GSE1: variants seen among roughly 807,000 people sequenced by gnomAD.
The protein encoded by GSE1 is genetic suppressor element 1.
GSE1 carries 32 observed loss-of-function variants against 112.6 expected under a neutral mutation model. That is an observed-to-expected ratio of 0.28 (90% confidence interval 0.21 to 0.38). GSE1 has a LOEUF of 0.38. Among genes scored for constraint, GSE1 ranks in the 10% least tolerant of loss-of-function variants. The pLI, the probability that GSE1 is intolerant of heterozygous loss-of-function variation, is 1.00. For synonymous variants in GSE1, 1,115 were observed against 735.6 expected, an observed-to-expected ratio of 1.52 and a Z score of -8.35; for missense variants, 2,348 against 1,699.2, an observed-to-expected ratio of 1.38 and a Z score of -6.71.
chr16:85,233,646 T>TG (rs147897895), intron 1 of GSE1, among the ~76,000 whole-genome samples: 2 of 152,008 alleles, frequency 1.3e-5, no homozygotes, highest in Non-Finnish European at 2.9e-5. Context: ...TGTGTGTGGA[T>TG]GGGGGGTGTG....
chr16:85,309,489 G>C (rs1567678998), intron 1 of GSE1, among the ~76,000 whole-genome samples: 1 of 138,404 alleles, frequency 7.2e-6, no homozygotes, highest in Admixed American at 8.1e-5. Flanking sequence ...GCCAGACCCT[G>C]TCTCTAAAAC....
At chr16:85,653,658 G>A (rs975613489) in intron 3 of GSE1, among the ~76,000 whole-genome samples, 69 of 152,142 alleles carry the variant, frequency 4.5e-4, no homozygotes, top group African/African-American at 1.6e-3. Flanking sequence ...GCCAGTCAGG[G>A]CCCAGCTGCT....
intron 2 of GSE1, among the ~76,000 whole-genome samples, chr16:85,376,647 C>A (rs2047427068): frequency 6.6e-6 from 1 of 152,214 alleles, no homozygotes; most frequent in African/African-American, 2.4e-5. Context: ...TGGCTGGGAG[C>A]TGGAGGCCAG....
intron 2 of GSE1, among the ~76,000 whole-genome samples, chr16:85,390,495 G>A (rs1435904285): frequency 1.3e-5 from 2 of 152,294 alleles, no homozygotes; most frequent in East Asian, 3.9e-4. Flanking sequence ...AATATGATGG[G>A]TTAGGGTCAA....
intron 1 of GSE1, among the ~76,000 whole-genome samples, chr16:85,292,015 A>C (rs1418232645): frequency 1.3e-5 from 2 of 152,200 alleles, no homozygotes; most frequent in Non-Finnish European, 1.5e-5. Context: ...ATCCACCCTC[A>C]GCATGGGAGG....
chr16:85,368,344 G>T (rs1289855531), intron 2 of GSE1, among the ~76,000 whole-genome samples: 1 of 152,134 alleles, frequency 6.6e-6, no homozygotes, highest in East Asian at 1.9e-4. Context: ...AGCATCGGAG[G>T]AGAGCCTTGG....
At chr16:85,653,809 G>T (rs116610980) in intron 3 of GSE1, among the ~76,000 whole-genome samples, 1 of 152,226 alleles carries the variant, frequency 6.6e-6, no homozygotes, top group African/African-American at 2.4e-5. Context: ...TCTGCGGCCA[G>T]GTGGGCAGCT....
intron 2 of GSE1, among the ~76,000 whole-genome samples, chr16:85,529,957 C>A (rs921885316): frequency 6.6e-6 from 1 of 152,192 alleles, no homozygotes; most frequent in East Asian, 1.9e-4. Context: ...CAGGCACTGG[C>A]AAGATGAGTG....
chr16:85,574,177 G>A (rs1469352016), intron 1 of GSE1, among the ~76,000 whole-genome samples: 6 of 152,222 alleles, frequency 3.9e-5, no homozygotes, highest in Non-Finnish European at 8.8e-5. Flanking sequence ...TCTTGTGGGA[G>A]AGAAAGGAAG....
At chr16:85,546,817 T>G (rs1474171388) in intron 2 of GSE1, among the ~76,000 whole-genome samples, 1 of 152,204 alleles carries the variant, frequency 6.6e-6, no homozygotes, top group Non-Finnish European at 1.5e-5. Flanking sequence ...TTCTTGTCGT[T>G]ACTGTCACCC....
chr16:85,209,011 G>T (rs1178428860), intron 1 of GSE1, among the ~76,000 whole-genome samples: 1 of 151,006 alleles, frequency 6.6e-6, no homozygotes, highest in Non-Finnish European at 1.5e-5. Context: ...GTTGGGGTTC[G>T]CTGCGTGTTG....
Position 85,273,948 on chromosome 16 carries a change from C to T in GSE1, c.2284-83515C>T, listed in dbSNP as rs1462634669. On this transcript the variant is annotated intron_variant, in intron 1 of 2. Coordinates refer to the GSE1 transcript ENST00000637419. The stretch of plus-strand genomic sequence containing the variant: ...CTGACCTCAGGTGATCCACCCACCT[C>T]GGCCTCCCAAAGTGCTGGGATTACA... 3.0e-4 allele frequency among the ~76,000 whole-genome samples: 45 copies of T among 150,874 alleles called. 1 individual carries two copies. Among genetic ancestry groups the T allele is most frequent in the Non-Finnish European group, 1.2e-4 (8 of 67,816 alleles).
At chr16:85,644,161 C>G (rs752359502) in intron 2 of GSE1, among the ~76,000 whole-genome samples, 2 of 151,988 alleles carry the variant, frequency 1.3e-5, no homozygotes, top group African/African-American at 4.8e-5. Context: ...GACCCTGTCT[C>G]TACCAAAAAC....
rs184880375 is a variant in GSE1 at position 85,267,896 on chromosome 16, C to T, written c.2284-89567C>T. Among the ~76,000 whole-genome samples, 6 of 152,328 alleles carry T rather than the reference C, an allele frequency of 3.9e-5. No homozygotes were observed. In the East Asian group the frequency reaches 7.7e-4, roughly 20 times the overall value. On this transcript the variant is annotated intron_variant, in intron 1 of 2. Transcript: ENST00000637419. ...CCCAGCTCTGCCACAGACTAACCGT[C>T]GGCCCCAGCTAAGTGGCCTCTCTGA...
At chr16:85,416,051 T>C (rs2048696016) in intron 2 of GSE1, among the ~76,000 whole-genome samples, 1 of 152,112 alleles carries the variant, frequency 6.6e-6, no homozygotes, top group Non-Finnish European at 1.5e-5. Flanking sequence ...ATCGTCTAAT[T>C]TTATGATGAG....
intron 2 of GSE1, among the ~76,000 whole-genome samples, chr16:85,639,314 G>A (rs1019731683): frequency 2.6e-5 from 4 of 152,176 alleles, no homozygotes; most frequent in Non-Finnish European, 2.9e-5. Flanking sequence ...TCGGAATGGC[G>A]GCCTGGCCAC....
At chr16:85,491,288 A>G (rs916132037) in intron 2 of GSE1, among the ~76,000 whole-genome samples, 1 of 152,156 alleles carries the variant, frequency 6.6e-6, no homozygotes, top group African/African-American at 2.4e-5. Flanking sequence ...TCTTCACCCA[A>G]TGTTCACTGA....
intron 2 of GSE1, among the ~76,000 whole-genome samples, chr16:85,508,752 A>T (rs2051629256): frequency 6.6e-6 from 1 of 152,196 alleles, no homozygotes; most frequent in African/African-American, 2.4e-5. Context: ...TAGAGACTGA[A>T]ATTAGCAGGA....
intron 1 of GSE1, among the ~76,000 whole-genome samples, chr16:85,287,946 A>G (rs1260804010): frequency 6.6e-6 from 1 of 152,178 alleles, no homozygotes; most frequent in East Asian, 1.9e-4. Flanking sequence ...TCATCATGAA[A>G]TAAGCGCTAT....
Sources: allele counts gnomAD v4.1 joint callset (sites outside exome capture counted in the v4.1 genomes callset), GRCh38; gene constraint gnomAD v4.1.1; transcripts MANE v1.5; gene names NCBI Gene and HGNC (gene_info 2026-07-23, HGNC 2026-07-21).